The following STK32B variants were observed in gnomAD, a reference collection of about 807,000 sequenced individuals.
The protein encoded by STK32B is serine/threonine kinase 32B.
STK32B carries 43 observed loss-of-function variants against 52.6 expected under a neutral mutation model. The ratio of observed to expected loss-of-function variants is 0.82; its 90% CI spans 0.64 to 1.05. STK32B has a LOEUF of 1.05. Among genes scored for constraint, STK32B ranks in the 50% least tolerant of loss-of-function variants. STK32B has a pLI of 0.00. For missense variants in STK32B, 621 were observed against 534.6 expected, an observed-to-expected ratio of 1.16 and a Z score of -1.59; for synonymous variants, 238 against 204.3, an observed-to-expected ratio of 1.17 and a Z score of -1.41.
chr4:5,286,436 C>T (rs1204654280), intron 3 of STK32B, among the ~76,000 whole-genome samples: 1 of 152,152 alleles, frequency 6.6e-6, no homozygotes, highest in Non-Finnish European at 1.5e-5. Flanking sequence ...TCAGTGACAC[C>T]TCAAAGTCCT....
rs114951252 is a variant in STK32B at position 5,323,279 on chromosome 4, G to A, written c.261-7941G>A. Among the ~76,000 whole-genome samples, 602 of 152,232 alleles carry A rather than the reference G, an allele frequency of 4.0e-3. 2 individuals carry two copies. Among genetic ancestry groups the A allele is most frequent in the African/African-American group, 0.013 (526 of 41,544 alleles). On this transcript the variant is annotated intron_variant, in intron 3 of 11. Transcript: ENST00000282908. ...GAATCACCTCCGAGGCACAGGAAAC[G>A]GTGATCACCTGCAAGTCCCCCTCCA...
intron 7 of STK32B, among the ~76,000 whole-genome samples, chr4:5,452,797 G>C (rs1487839067): frequency 6.6e-6 from 1 of 151,912 alleles, no homozygotes; most frequent in Non-Finnish European, 1.5e-5. Flanking sequence ...TAGAAACCGA[G>C]TTTCCTGGAA....
At chr4:5,445,955 C>CAG (rs10691672) in intron 6 of STK32B, among the ~76,000 whole-genome samples, 150,200 of 152,140 alleles carry the variant, frequency 0.99, 74,139 homozygotes, top group East Asian at 1. Context: ...GCCCCAGGCA[C>CAG]AGAGCTCTAA....
At chr4:5,130,320 CTG>C (rs1715678934) in intron 1 of STK32B, among the ~76,000 whole-genome samples, 1 of 151,800 alleles carries the variant, frequency 6.6e-6, no homozygotes, top group Non-Finnish European at 1.5e-5. Context: ...CTGAAACACA[CTG>C]TGGTGAGAGC....
intron 2 of STK32B, among the ~76,000 whole-genome samples, chr4:5,160,816 G>T (rs559578954): frequency 6.6e-6 from 1 of 152,320 alleles, no homozygotes; most frequent in Non-Finnish European, 1.5e-5. Flanking sequence ...TGGGAGCACA[G>T]CAGAGAGGGA....
chr4:5,091,383 A>G (rs1290980750), intron 1 of STK32B, among the ~76,000 whole-genome samples: 2 of 152,196 alleles, frequency 1.3e-5, no homozygotes, highest in Non-Finnish European at 2.9e-5. Flanking sequence ...ATTCAACAAT[A>G]AAAAGACAAC....
chr4:5,139,932 G>C lies in STK32B; in HGVS notation c.80G>C (p.Arg27Pro). Reference protein sequence around the residue: ...EVNFDHFQILRAIGKGSFGKV... With the variant: ...EVNFDHFQILPAIGKGSFGKV... ...AACTTTGACCATTTTCAGATTCTGCGGGCCATTGGTAAAGGGAGTTTTGGA... is the reference window on the plus strand; with the variant it reads ...AACTTTGACCATTTTCAGATTCTGCCGGCCATTGGTAAAGGGAGTTTTGGA... Residue 27 changes from arginine to proline, a missense_variant, in exon 2 of 12, where the codon CGG (arginine) becomes CCG (proline). Physicochemically the swap from Arg to Pro is moderately radical, Grantham distance 103. Coordinates refer to ENST00000282908, the MANE Select transcript of STK32B (RefSeq NM_018401.3). The C allele has an allele frequency of 6.2e-7, 1 of 1,613,964 alleles. No homozygotes were observed. The highest frequency in any genetic ancestry group is 8.5e-7 in the Non-Finnish European group (1 of 1,179,996).
intron 1 of STK32B, among the ~76,000 whole-genome samples, chr4:5,059,790 A>G (rs1742149703): frequency 6.6e-6 from 1 of 152,202 alleles, no homozygotes; most frequent in African/African-American, 2.4e-5. Flanking sequence ...ATATCTTCAT[A>G]GGTAAATTCT....
At chr4:5,317,254 C>CATACATATTATAT (rs1731088291) in intron 3 of STK32B, among the ~76,000 whole-genome samples, 1 of 17,686 alleles carries the variant, frequency 5.7e-5, no homozygotes, top group African/African-American at 6.3e-4. Context: ...TTATATATAA[C>CATACATATTATAT]ATATAACATA....
In STK32B at chr4:5,400,892, A is replaced by AG. The variant is rs1412946319; in HGVS notation, c.472+2648_472+2649insG. On this transcript the variant is annotated intron_variant, in intron 5 of 11. Transcript: ENST00000282908. This position sits in a 1 kb window ranked among gnomAD's most constrained non-coding sequence, Gnocchi z 6.1. Reference sequence around the variant, plus strand: ...CAAGGCAAACAGGGTCCCAACGCTGATGGGTTTCATGGTGTTGGGGAGAGT... The same window carrying AG: ...CAAGGCAAACAGGGTCCCAACGCTGAGTGGGTTTCATGGTGTTGGGGAGAGT... Among the ~76,000 whole-genome samples the AG allele has an allele frequency of 7.2e-5, 11 of 152,050 alleles. No individual in the cohort carries two copies. Among genetic ancestry groups the AG allele is most frequent in the African/African-American group, 2.7e-4 (11 of 41,396 alleles).
At chr4:5,176,091 C>T (rs953493303) in intron 3 of STK32B, among the ~76,000 whole-genome samples, 26 of 152,330 alleles carry the variant, frequency 1.7e-4, no homozygotes, top group Middle Eastern at 3.4e-3. Context: ...GGTGTAGGAC[C>T]CTCTGAGCCA....
At chr4:5,056,931 C>G (rs1179934877) in intron 1 of STK32B, among the ~76,000 whole-genome samples, 3 of 152,204 alleles carry the variant, frequency 2.0e-5, no homozygotes, top group African/African-American at 7.2e-5. Context: ...ATCCATCCCC[C>G]CCAACCTGTT....
At chr4:5,242,843 C>A (rs967091751) in intron 3 of STK32B, among the ~76,000 whole-genome samples, 4 of 152,134 alleles carry the variant, frequency 2.6e-5, no homozygotes, top group African/African-American at 9.7e-5. Flanking sequence ...GAATCCTTTC[C>A]CCATTGCTTG....
chr4:5,484,051 G>A (rs571360748), intron 11 of STK32B, among the ~76,000 whole-genome samples: 177 of 152,178 alleles, frequency 1.2e-3, no homozygotes, highest in African/African-American at 4.0e-3. Context: ...ATGTGGAAAA[G>A]AATGTATATT....
chr4:5,130,427 A>G (rs1715688542), intron 1 of STK32B, among the ~76,000 whole-genome samples: 2 of 152,032 alleles, frequency 1.3e-5, no homozygotes, highest in African/African-American at 4.8e-5. Context: ...GCACAATGCC[A>G]TGCTACTGAA....
chr4:5,025,458 A>C, the STK32B span, among the ~76,000 whole-genome samples: 3 of 152,190 alleles, frequency 2.0e-5, no homozygotes, highest in Non-Finnish European at 4.4e-5. Flanking sequence ...AGACACCTGC[A>C]GCTCAGCTCT....
At chr4:5,438,308 AGATCAGT>A (rs1714310198) in intron 6 of STK32B, among the ~76,000 whole-genome samples, 2 of 152,252 alleles carry the variant, frequency 1.3e-5, no homozygotes, top group Non-Finnish European at 2.9e-5. Flanking sequence ...GGAATAGCAC[AGATCAGT>A]GCCCAGCATG....
chr4:5,461,479 T>C (rs900235691), intron 9 of STK32B, among the ~76,000 whole-genome samples: 20 of 152,204 alleles, frequency 1.3e-4, no homozygotes, highest in African/African-American at 4.8e-4. Context: ...TCCAGACCTT[T>C]TTCACAAACC....
intron 6 of STK32B, among the ~76,000 whole-genome samples, chr4:5,444,461 C>T (rs554607078): frequency 1.2e-4 from 19 of 152,316 alleles, no homozygotes; most frequent in South Asian, 4.1e-4. Flanking sequence ...TGCTTTGGCT[C>T]GCGCACTGTG....
Sources: gnomAD v4.1 joint callset for allele counts (sites outside exome capture counted in the v4.1 genomes callset) on GRCh38, gnomAD v4.1.1 for gene constraint, Gnocchi (gnomAD v3.1) non-coding constraint, MANE v1.5 for transcripts, NCBI Gene and HGNC (gene_info 2026-07-23, HGNC 2026-07-21) for gene names.